The following SNX29 variants were observed in gnomAD, a reference collection of about 807,000 sequenced individuals.
SNX29 encodes sorting nexin-29.
Under a neutral mutation model 102.1 loss-of-function variants are expected in SNX29, and 78 were observed. That is an observed-to-expected ratio of 0.76 (90% CI 0.64 to 0.92). The LOEUF is 0.92. Ranked by LOEUF, SNX29 falls within the 40% of genes least tolerant of loss-of-function variation. The pLI is 0.00. For synonymous variants in SNX29, 580 were observed against 414.5 expected, an observed-to-expected ratio of 1.40 and a Z score of -4.85; for missense variants, 1,280 against 1,061.7, an observed-to-expected ratio of 1.21 and a Z score of -2.86.
chr16:11,982,764 A>G (rs2055451732), intron 1 of SNX29, among the ~76,000 whole-genome samples: 1 of 151,914 alleles, frequency 6.6e-6, no homozygotes, highest in Non-Finnish European at 1.5e-5. Flanking sequence ...TTCCTGTTTC[A>G]AGGGTGAGGA....
At chr16:12,514,146 G>C (rs1038448322) in intron 19 of SNX29, among the ~76,000 whole-genome samples, 2 of 152,186 alleles carry the variant, frequency 1.3e-5, no homozygotes, top group Non-Finnish European at 2.9e-5. Flanking sequence ...AAGAAAGGCA[G>C]ATTTTCAATG....
intron 19 of SNX29, among the ~76,000 whole-genome samples, chr16:12,481,212 C>T (rs2087890761): frequency 6.6e-6 from 1 of 152,114 alleles, no homozygotes; most frequent in African/African-American, 2.4e-5. Flanking sequence ...GGTACAAGTG[C>T]ACCAGCTGGT....
chr16:11,983,116 G>A (rs1421590548), intron 1 of SNX29, among the ~76,000 whole-genome samples: 4 of 151,898 alleles, frequency 2.6e-5, no homozygotes, highest in Non-Finnish European at 5.9e-5. Flanking sequence ...ATTTTTAGCA[G>A]AGATGGGTTT....
At chr16:12,161,938 A>G (rs181674726) in intron 13 of SNX29, among the ~76,000 whole-genome samples, 222 of 152,312 alleles carry the variant, frequency 1.5e-3, no homozygotes, top group African/African-American at 4.6e-3. Context: ...AGCCTCAGGT[A>G]TTCCTGATGA....
intron 3 of SNX29, among the ~76,000 whole-genome samples, chr16:12,004,878 T>G (rs139922388): frequency 1.3e-5 from 2 of 152,352 alleles, no homozygotes; most frequent in East Asian, 3.9e-4. Flanking sequence ...CATTCGGCTT[T>G]TTAATTTTGC....
chr16:12,018,156 G>A (rs2056905694), intron 3 of SNX29, among the ~76,000 whole-genome samples: 1 of 152,132 alleles, frequency 6.6e-6, no homozygotes, highest in South Asian at 2.1e-4. Flanking sequence ...GGGAAAAATT[G>A]ATGTTTTGAG....
At chr16:12,345,151 G>C (rs1029308687) in intron 15 of SNX29, among the ~76,000 whole-genome samples, 1 of 152,208 alleles carries the variant, frequency 6.6e-6, no homozygotes, top group Non-Finnish European at 1.5e-5. Context: ...GTGGAGTTGG[G>C]TAAGATCCTG....
At chr16:11,979,730 T>C (rs780627357) in intron 1 of SNX29, among the ~76,000 whole-genome samples, 14 of 152,126 alleles carry the variant, frequency 9.2e-5, no homozygotes, top group Non-Finnish European at 1.8e-4. Flanking sequence ...ACTATAGACA[T>C]GTACCACCAT....
intron 5 of SNX29, among the ~76,000 whole-genome samples, chr16:12,043,504 G>A (rs755855507): frequency 2.0e-5 from 3 of 151,966 alleles, no homozygotes; most frequent in Non-Finnish European, 4.4e-5. Context: ...CTAAGCGTAC[G>A]CCACCATGCC....
intron 19 of SNX29, among the ~76,000 whole-genome samples, chr16:12,511,520 A>G (rs910519654): frequency 6.6e-6 from 1 of 152,180 alleles, no homozygotes; most frequent in Admixed American, 6.6e-5. Flanking sequence ...AGGAGAGTGT[A>G]ACTGGGCCTT....
In SNX29 at chr16:12,061,532, C is replaced by G. The variant is rs571682752; in HGVS notation, c.1129C>G (p.Leu377Val). 1.3e-6 allele frequency: 2 copies of G among 1,599,124 alleles called. No homozygotes were observed. The highest frequency in any genetic ancestry group is 2.3e-5 in the South Asian group (2 of 87,752). ...RGHSESPEKP[L>V]EGNTCLSQMH... The stretch of plus-strand genomic sequence containing the variant: ...AGCTGTATTCTTTCACCTTAGGCCA[C>G]TGGAAGGGAACACCTGCCTCTCCCA... The change falls in exon 9 of 21, where the codon CTG becomes GTG. Residue 377 changes from leucine (L) to valine (V), a missense_variant. Coordinates refer to ENST00000566228, the MANE Select transcript of SNX29 (RefSeq NM_032167.5).
chr16:12,002,578 T>C (rs1220676105), intron 2 of SNX29, among the ~76,000 whole-genome samples: 1 of 152,136 alleles, frequency 6.6e-6, no homozygotes, highest in African/African-American at 2.4e-5. Context: ...TCATGACAAC[T>C]CTGGGGCTCG....
In SNX29 at chr16:12,555,901, C is replaced by T. The variant is rs567252562; in HGVS notation, c.2319-12605C>T. Among the ~76,000 whole-genome samples, 101 of 152,014 alleles carry T rather than the reference C, an allele frequency of 6.6e-4. 1 individual carries two copies. In the South Asian group the frequency reaches 0.02, roughly 30 times the overall value. On this transcript the variant is annotated intron_variant, in intron 20 of 20. Transcript: ENST00000566228. ...TGCTTTCTGCCCTCCTGTTCTTGGT[C>T]TCAAACCTTATTTTTGCGTATGGTG... is the stretch of plus-strand genomic sequence containing the variant.
At chr16:12,279,923 G>C (rs553082215) in intron 15 of SNX29, among the ~76,000 whole-genome samples, 2 of 152,220 alleles carry the variant, frequency 1.3e-5, no homozygotes, top group Non-Finnish European at 2.9e-5. Flanking sequence ...CATCAGACCA[G>C]TGCAGCTCAG....
intron 14 of SNX29, among the ~76,000 whole-genome samples, chr16:12,233,794 C>A (rs912638294): frequency 2.0e-5 from 3 of 152,154 alleles, no homozygotes; most frequent in Non-Finnish European, 4.4e-5. Context: ...AAGCACCATT[C>A]TCCTTCCTGT....
intron 14 of SNX29, among the ~76,000 whole-genome samples, chr16:12,231,268 A>G (rs1223719193): frequency 1.3e-5 from 2 of 152,228 alleles, no homozygotes; most frequent in African/African-American, 4.8e-5. Context: ...TTTCCACCAT[A>G]CCATCCAGCT....
At chr16:12,199,155 C>A in intron 13 of SNX29, among the ~76,000 whole-genome samples, 1 of 152,126 alleles carries the variant, frequency 6.6e-6, no homozygotes, top group East Asian at 1.9e-4. Flanking sequence ...TGACATGATG[C>A]CTGGCAAATA....
chr16:12,453,962 T>C (rs1428570866), intron 18 of SNX29, among the ~76,000 whole-genome samples: 1 of 152,138 alleles, frequency 6.6e-6, no homozygotes, highest in Non-Finnish European at 1.5e-5. Context: ...TTTTTTGTTG[T>C]TGTTTTTTTC....
chr16:12,158,989 T>A (rs912779449), intron 13 of SNX29, among the ~76,000 whole-genome samples: 4 of 152,226 alleles, frequency 2.6e-5, no homozygotes, highest in African/African-American at 9.6e-5. Flanking sequence ...AGAATGAGAT[T>A]TGTAACACAC....
Sources: allele counts gnomAD v4.1 joint callset (sites outside exome capture counted in the v4.1 genomes callset), GRCh38; gene constraint gnomAD v4.1.1; transcripts MANE v1.5; gene names NCBI Gene and HGNC (gene_info 2026-07-23, HGNC 2026-07-21).